CKAP4: variants seen among roughly 807,000 people sequenced by gnomAD.
CKAP4 encodes cytoskeleton-associated protein 4.
CKAP4 carries 20 observed loss-of-function variants against 24.4 expected under a neutral mutation model. That is an observed-to-expected ratio of 0.82 (90% CI 0.58 to 1.19). CKAP4 has a LOEUF of 1.19. Among genes scored for constraint, CKAP4 ranks in the 50% most tolerant of loss-of-function variants. The probability of loss-of-function intolerance (pLI) is 0.00; values close to 1 mark genes in which losing one functional copy is unlikely to be tolerated. For missense variants in CKAP4, 744 were observed against 765.3 expected (o/e 0.97, Z 0.33); for synonymous variants, 378 against 351.7 (o/e 1.07, Z -0.84).
rs1381649779 is a variant in CKAP4, at chr12:106,247,663, C to A, written c.189G>T (p.Ala63=). The A allele has an allele frequency of 1.8e-6, 2 of 1,110,092 alleles. No homozygotes were observed. The highest frequency in any genetic ancestry group is 2.2e-6 in the Non-Finnish European group (2 of 891,546). 68.8% of individuals were successfully genotyped at this position (1,110,092 alleles called of 1,614,324 possible). Residue 63 remains alanine, a synonymous_variant, in exon 1 of 2, where the codon GCG becomes GCT. Coordinates refer to ENST00000378026, the MANE Select transcript of CKAP4 (RefSeq NM_006825.4). This position sits in a 1 kb window ranked among gnomAD's most constrained non-coding sequence, Gnocchi z 4.5. Reference sequence around the variant, plus strand: ...CGCCGCGGTGGCCGCCCTTGCCGTGCGCCTGGTTCTGCGGGTGCTGCTGCG... The same window carrying A: ...CGCCGCGGTGGCCGCCCTTGCCGTGAGCCTGGTTCTGCGGGTGCTGCTGCG... The part of the protein sequence containing the change: ...QHPQQHPQNQ[A]HGKGGHRGGG...
rs2033923060 is a variant in CKAP4, at chr12:106,238,002, T to TTG, written c.*1021_*1022insCA. 1 of 146,384 alleles carries TTG rather than the reference T, an allele frequency of 6.8e-6. No homozygotes were observed. Among genetic ancestry groups the TTG allele is most frequent in the South Asian group, 2.2e-4 (1 of 4,608 alleles). The allele number at this position is 146,384 out of a possible 1,614,324, so 9.1% of individuals were successfully genotyped here. On this transcript the variant is annotated 3_prime_UTR_variant, in exon 2 of 2. Transcript: ENST00000378026. ...TTTTTTACTTTTCGGGTTTTTTTTT[T>TTG]TTTTTTTTTTTCAATTTTTTTTGGA...
In CKAP4 at chr12:106,238,695, A is replaced by C; in HGVS notation, c.*329T>G. 5.1e-6 allele frequency: 1 copy of C among 196,402 alleles called. No homozygotes were observed. Among genetic ancestry groups the C allele is most frequent in the Non-Finnish European group, 1.0e-5 (1 of 98,710 alleles). The allele number at this position is 196,402 out of a possible 1,614,324, so 12.2% of individuals were successfully genotyped here. A position where few individuals can be genotyped will look rare whatever the true frequency, so the allele number is the denominator to read the frequency against. On this transcript the variant is annotated 3_prime_UTR_variant, in exon 2 of 2. Coordinates refer to ENST00000378026, the MANE Select transcript of CKAP4 (RefSeq NM_006825.4). ...TTTTTTTACTTGAAATCTGCCAGCC[A>C]GACAGGATTTCTGAGGTTAATCTGC...
At position 106,239,281 on chromosome 12, in the gene CKAP4, G is replaced by T; in HGVS notation, c.1552C>A (p.Gln518Lys). ...EQVHTLLSQD[Q>K]AQAARLPPQD... ...GGAGGCAGACGGGCGGCCTGGGCTTGGTCCTGACTGAGCAGCGTGTGCACC... is the reference window on the plus strand; with the variant it reads ...GGAGGCAGACGGGCGGCCTGGGCTTTGTCCTGACTGAGCAGCGTGTGCACC... The change falls in exon 2 of 2, where the codon CAA becomes AAA. Residue 518 changes from glutamine (Q) to lysine (K), a missense_variant. Transcript: ENST00000378026. The surrounding 1 kb of genome is among the most constrained non-coding windows in gnomAD (Gnocchi z 4.9). The T allele has an allele frequency of 6.8e-6, 11 of 1,612,718 alleles. No homozygotes were observed. Among genetic ancestry groups the T allele is most frequent in the Non-Finnish European group, 9.3e-6 (11 of 1,180,022 alleles).
chr12:106,247,266 TG>T lies in CKAP4; in HGVS notation c.483+102del. The T allele has an allele frequency of 1.8e-6, 2 of 1,082,310 alleles. No homozygotes were observed. Among genetic ancestry groups the T allele is most frequent in the Non-Finnish European group, 2.5e-6 (2 of 793,198 alleles). The allele number at this position is 1,082,310 out of a possible 1,614,324, so 67.0% of individuals were successfully genotyped here. ...AGCGGCCGGCTCCCGCCTCCGGGCC[TG>T]GGCAGGCAGCGCTAGGGGCCGGTCG... On this transcript the variant is annotated intron_variant, in intron 1 of 1. Coordinates refer to ENST00000378026, the MANE Select transcript of CKAP4 (RefSeq NM_006825.4). The surrounding 1 kb of genome is among the most constrained non-coding windows in gnomAD (Gnocchi z 4.5).
In CKAP4 at chr12:106,238,123, G is replaced by C. The variant is rs1007152690; in HGVS notation, c.*901C>G. 6.6e-6 allele frequency: 1 copy of C among 151,428 alleles called. No homozygotes were observed. Among genetic ancestry groups the C allele is most frequent in the African/African-American group, 2.4e-5 (1 of 41,016 alleles). The allele number at this position is 151,428 out of a possible 1,614,324, so 9.4% of individuals were successfully genotyped here. Reference sequence around the variant, plus strand: ...GCAGTATGCACGCTCCTTGCCGACAGGGCTGCCCAGACGGCAAACCTCTTC... The same window carrying C: ...GCAGTATGCACGCTCCTTGCCGACACGGCTGCCCAGACGGCAAACCTCTTC... On this transcript the variant is annotated 3_prime_UTR_variant, in exon 2 of 2. Coordinates refer to ENST00000378026, the MANE Select transcript of CKAP4 (RefSeq NM_006825.4).
At position 106,241,524 on chromosome 12, in the gene CKAP4, G is replaced by A. The variant is rs867861759; in HGVS notation, c.484-1175C>T. On this transcript the variant is annotated intron_variant, in intron 1 of 1. Transcript: ENST00000378026. ...ATTTTTTGTATTTTTTAGTAGAGAC[G>A]GGGTTTCACCGTTTTAGCCGGGATG... Among the ~76,000 whole-genome samples the A allele has an allele frequency of 9.2e-5, 14 of 152,004 alleles. 1 individual carries two copies. The Middle Eastern group carries it at 0.014, about 148-fold the overall frequency.
chr12:106,240,407 C>A (rs895911630), intron 1 of CKAP4, 58 bp from the exon 2 acceptor site: 7 of 1,541,868 alleles, frequency 4.5e-6, no homozygotes, highest in Middle Eastern at 2.4e-4. Context: ...TCACATGATA[C>A]AACTTTTTTT....
rs778988545 is a variant in CKAP4 at position 106,239,476 on chromosome 12, C to A, written c.1357G>T (p.Gly453Trp). ...EHEQRLAALQ[G>W]RLEGLGSSEA... is the part of the protein sequence containing the mutation. Reference sequence around the variant, plus strand: ...GAGGACCCGAGGCCTTCCAGGCGCCCCTGCAGGGCGGCCAGGCGCTGCTCG... The same window carrying A: ...GAGGACCCGAGGCCTTCCAGGCGCCACTGCAGGGCGGCCAGGCGCTGCTCG... The change falls in exon 2 of 2, where the codon GGG (glycine) becomes TGG (tryptophan). Residue 453 changes from glycine to tryptophan, a missense_variant. Around this residue, in one of 3 missense-constraint regions of CKAP4, gnomAD observed 401 missense variants for 424.5 expected, o/e 0.94. Transcript: ENST00000378026. This position sits in a 1 kb window ranked among gnomAD's most constrained non-coding sequence, Gnocchi z 4.9. The A allele has an allele frequency of 6.2e-7, 1 of 1,605,906 alleles. No homozygotes were observed. Among genetic ancestry groups the A allele is most frequent in the Admixed American group, 1.7e-5 (1 of 60,010 alleles).
Position 106,238,662 on chromosome 12 carries a change from CT to C in CKAP4, c.*361del, listed in dbSNP as rs71442016. ...AAAGAAAAGGGTCCCCCCAACCCACCTTTTTTTTTTTTTTACTTGAAATCTG... is the reference window on the plus strand; with the variant it reads ...AAAGAAAAGGGTCCCCCCAACCCACCTTTTTTTTTTTTTACTTGAAATCTG... On this transcript the variant is annotated 3_prime_UTR_variant, in exon 2 of 2. Coordinates refer to ENST00000378026, the MANE Select transcript of CKAP4 (RefSeq NM_006825.4). 11,538 of 158,170 alleles carry C rather than the reference CT, an allele frequency of 0.073. 226 individuals are homozygous for C. The highest frequency in any genetic ancestry group is 0.1 in the Non-Finnish European group (7,623 of 75,720). The allele number at this position is 158,170 out of a possible 1,614,324, so 9.8% of individuals were successfully genotyped here.
chr12:106,239,728 C>G lies in CKAP4; in HGVS notation c.1105G>C (p.Glu369Gln), dbSNP rs2033951590. The G allele has an allele frequency of 1.9e-6, 3 of 1,613,938 alleles. No homozygotes were observed. Among genetic ancestry groups the G allele is most frequent in the Admixed American group, 3.3e-5 (2 of 60,000 alleles). The change falls in exon 2 of 2, where the codon GAG (glutamate) becomes CAG (glutamine). Residue 369 changes from glutamate (E) to glutamine (Q), a missense_variant. By Grantham distance (29) the Glu-to-Gln change is conservative. Coordinates refer to ENST00000378026, the MANE Select transcript of CKAP4 (RefSeq NM_006825.4). This position sits in a 1 kb window ranked among gnomAD's most constrained non-coding sequence, Gnocchi z 4.9. Reference protein sequence around the residue: ...SEESVSRLPEEIRRLEEELRQ... With the variant: ...SEESVSRLPEQIRRLEEELRQ... ...AGCTCTTCCTCCAGTCTCCGGATCT[C>G]CTCCGGGAGGCGGGAGACGGACTCC...
rs754476378 is a variant in CKAP4, at chr12:106,240,085, C to T, written c.748G>A (p.Asp250Asn). ...RLTELTKSIN[D>N]NIAIFTEVQK... ...ACTTCTGTGAAGATGGCGATGTTGT[C>T]GTTGATGGATTTGGTGAGCTCCGTC... The change falls in exon 2 of 2, where the codon GAC becomes AAC. Residue 250 changes from aspartate to asparagine, a missense_variant. Asp to Asn is a conservative substitution (Grantham distance 23, BLOSUM62 1). This residue lies in a region of CKAP4 where 43 missense variants were observed against 76.4 expected (regional missense o/e 0.56). Transcript: ENST00000378026. 5.0e-6 allele frequency: 8 copies of T among 1,614,130 alleles called. No individual in the cohort carries two copies. Among genetic ancestry groups the T allele is most frequent in the South Asian group, 2.2e-5 (2 of 91,078 alleles).
chr12:106,243,480 G>T (rs1022493071), intron 1 of CKAP4, among the ~76,000 whole-genome samples: 1 of 152,148 alleles, frequency 6.6e-6, no homozygotes, highest in African/African-American at 2.4e-5. Context: ...AATATGACCA[G>T]GGAGCTCACT....
At chr12:106,240,503 A>G in intron 1 of CKAP4, among the ~76,000 whole-genome samples, 154 bp from the exon 2 acceptor site, 1 of 152,058 alleles carries the variant, frequency 6.6e-6, no homozygotes. Context: ...TATAGTCCAT[A>G]TGGTTTTAAG....
chr12:106,239,488 C>T lies in CKAP4; in HGVS notation c.1345G>A (p.Ala449Thr), dbSNP rs776027566. 2.5e-5 allele frequency: 40 copies of T among 1,606,710 alleles called. No homozygotes were observed. Among genetic ancestry groups the T allele is most frequent in the Non-Finnish European group, 3.3e-5 (39 of 1,179,524 alleles). Residue 449 changes from alanine (A) to threonine (T), a missense_variant, in exon 2 of 2, where the codon GCC becomes ACC. By Grantham distance (58) the Ala-to-Thr change is moderately conservative (BLOSUM62 0). Transcript: ENST00000378026. The surrounding 1 kb of genome is among the most constrained non-coding windows in gnomAD (Gnocchi z 4.9). Reference sequence around the variant, plus strand: ...CCTTCCAGGCGCCCCTGCAGGGCGGCCAGGCGCTGCTCGTGCTCCTGGCTC... The same window carrying T: ...CCTTCCAGGCGCCCCTGCAGGGCGGTCAGGCGCTGCTCGTGCTCCTGGCTC... ...SKSQEHEQRL[A>T]ALQGRLEGLG... is the part of the protein sequence containing the mutation.
chr12:106,238,808 C>A lies in CKAP4; in HGVS notation c.*216G>T. 3.5e-6 allele frequency: 2 copies of A among 571,286 alleles called. No individual in the cohort carries two copies. The highest frequency in any genetic ancestry group is 4.4e-5 in the South Asian group (2 of 45,340). 35.4% of individuals were successfully genotyped at this position (571,286 alleles called of 1,614,324 possible). Reference sequence around the variant, plus strand: ...CCACCTGTTATTCACAGGGGCTGCGCTTCAGGAAACCAACCAAATGCAGAA... The same window carrying A: ...CCACCTGTTATTCACAGGGGCTGCGATTCAGGAAACCAACCAAATGCAGAA... On this transcript the variant is annotated 3_prime_UTR_variant, in exon 2 of 2. Coordinates refer to ENST00000378026, the MANE Select transcript of CKAP4 (RefSeq NM_006825.4).
In CKAP4 at chr12:106,247,073, T is replaced by C; in HGVS notation, c.483+296A>G. 2.8e-6 allele frequency: 1 copy of C among 352,130 alleles called. No individual in the cohort carries two copies. The highest frequency in any genetic ancestry group is 5.2e-6 in the Non-Finnish European group (1 of 191,426). 21.8% of individuals were successfully genotyped at this position (352,130 alleles called of 1,614,324 possible). A position where few individuals can be genotyped will look rare whatever the true frequency, so the allele number is the denominator to read the frequency against. On this transcript the variant is annotated intron_variant, in intron 1 of 1. Coordinates refer to ENST00000378026, the MANE Select transcript of CKAP4 (RefSeq NM_006825.4). This position sits in a 1 kb window ranked among gnomAD's most constrained non-coding sequence, Gnocchi z 4.5. ...TCCTTACAGGTCACCGCTAATGCCC[T>C]GTGACAGGCCCTTGGCCCACCCTGC...
chr12:106,242,411 C>T (rs979652456), intron 1 of CKAP4, among the ~76,000 whole-genome samples: 1 of 152,212 alleles, frequency 6.6e-6, no homozygotes, highest in East Asian at 1.9e-4. Flanking sequence ...CCTCAGCTCT[C>T]GTGCCAGCCC....
In CKAP4 at chr12:106,247,784, G is replaced by T; in HGVS notation, c.68C>A (p.Ala23Asp). 2 of 1,057,114 alleles carry T rather than the reference G, an allele frequency of 1.9e-6. No individual in the cohort carries two copies. Among genetic ancestry groups the T allele is most frequent in the Non-Finnish European group, 2.3e-6 (2 of 880,926 alleles). The allele number at this position is 1,057,114 out of a possible 1,614,324, so 65.5% of individuals were successfully genotyped here. Residue 23 changes from alanine to aspartate, a missense_variant, in exon 1 of 2, where the codon GCC (alanine) becomes GAC (aspartate). Physicochemically the swap from Ala to Asp is moderately radical, Grantham distance 126. This residue lies in a region of CKAP4 where 300 missense variants were observed against 264.5 expected (regional missense o/e 1.13). Coordinates refer to ENST00000378026, the MANE Select transcript of CKAP4 (RefSeq NM_006825.4). The surrounding 1 kb of genome is among the most constrained non-coding windows in gnomAD (Gnocchi z 4.5). ...GTCATCCGCGCCGCCCGACGGGTGG[G>T]CACCCTTCTCCGAGGGGCTCGCGGC... ...HGAASPSEKG[A>D]HPSGGADDVA...
intron 1 of CKAP4, among the ~76,000 whole-genome samples, chr12:106,243,427 G>A (rs1272986531): frequency 6.6e-6 from 1 of 152,174 alleles, no homozygotes; most frequent in Non-Finnish European, 1.5e-5. Flanking sequence ...AACTCCTGAA[G>A]CCCTGACTCC....
Sources: allele counts gnomAD v4.1 joint callset (sites outside exome capture counted in the v4.1 genomes callset), GRCh38; gene constraint gnomAD v4.1.1; regional missense constraint gnomAD v4.1.1; non-coding constraint Gnocchi (gnomAD v3.1); transcripts MANE v1.5; gene names NCBI Gene and HGNC (gene_info 2026-07-23, HGNC 2026-07-21).